Variants in ELOVL7 observed in about 807,000 individuals in gnomAD.
ELOVL7 encodes the protein very long chain fatty acid elongase 7.
In ELOVL7, 27 loss-of-function variants were observed where a neutral mutation model predicts 35.7. That is an observed-to-expected ratio of 0.76 (90% CI 0.56 to 1.04). ELOVL7 has a LOEUF of 1.04. Among genes scored for constraint, ELOVL7 ranks in the 50% least tolerant of loss-of-function variants. The pLI, the probability that ELOVL7 is intolerant of heterozygous loss-of-function variation, is 0.00. For missense variants in ELOVL7, 327 were observed against 340.8 expected (o/e 0.96, Z 0.32); for synonymous variants, 113 against 114.6 (o/e 0.99, Z 0.09).
intron 1 of ELOVL7, among the ~76,000 whole-genome samples, chr5:60,804,640 T>G (rs562260029): frequency 5.9e-5 from 9 of 152,352 alleles, no homozygotes; most frequent in South Asian, 2.1e-4. Flanking sequence ...GTTTGTAATT[T>G]AAGTGCTAGG....
At chr5:60,808,858 C>A (rs1745094727) in intron 1 of ELOVL7, among the ~76,000 whole-genome samples, 1 of 152,074 alleles carries the variant, frequency 6.6e-6, no homozygotes, top group African/African-American at 2.4e-5. Flanking sequence ...GTGAAATAAG[C>A]CAGACTCCAA....
chr5:60,814,566 C>A (rs546450750), intron 1 of ELOVL7, among the ~76,000 whole-genome samples: 2 of 152,268 alleles, frequency 1.3e-5, no homozygotes, highest in African/African-American at 4.8e-5. Flanking sequence ...ATGTACTGTG[C>A]TAGGTATTCC....
At chr5:60,811,986 CAGG>C (rs1299300187) in intron 1 of ELOVL7, among the ~76,000 whole-genome samples, 1 of 152,110 alleles carries the variant, frequency 6.6e-6, no homozygotes, top group Non-Finnish European at 1.5e-5. Flanking sequence ...GAGGCCAAGG[CAGG>C]AGGATTGCTT....
At chr5:60,791,024 C>A (rs1272079049) in intron 2 of ELOVL7, among the ~76,000 whole-genome samples, 1 of 152,176 alleles carries the variant, frequency 6.6e-6, no homozygotes, top group Non-Finnish European at 1.5e-5. Context: ...GTCACCCAGG[C>A]TGGAGTGCAC....
intron 3 of ELOVL7, among the ~76,000 whole-genome samples, chr5:60,776,964 G>A (rs931289816): frequency 1.3e-5 from 2 of 152,096 alleles, no homozygotes; most frequent in Non-Finnish European, 2.9e-5. Flanking sequence ...TTTATAATTG[G>A]TTAAACACAG....
In ELOVL7 at chr5:60,828,955, T is replaced by C. The variant is rs574197712; in HGVS notation, c.-86+15205A>G. Among the ~76,000 whole-genome samples the C allele has an allele frequency of 3.6e-3, 551 of 152,322 alleles. 4 individuals are homozygous for C. The highest frequency in any genetic ancestry group is 6.5e-3 in the Non-Finnish European group (439 of 68,000). On this transcript the variant is annotated intron_variant, in intron 1 of 8. Coordinates refer to ENST00000508821, the MANE Select transcript of ELOVL7 (RefSeq NM_024930.3). ...TTTAACTTCTTAGGCATGATAATGGTATGGCTGTAATTTTTTAAAGTCCTT... is the reference window on the plus strand; with the variant it reads ...TTTAACTTCTTAGGCATGATAATGGCATGGCTGTAATTTTTTAAAGTCCTT...
intron 1 of ELOVL7, among the ~76,000 whole-genome samples, chr5:60,830,698 A>T (rs1746434885): frequency 6.6e-6 from 1 of 151,516 alleles, no homozygotes; most frequent in South Asian, 2.1e-4. Flanking sequence ...TACCATCTTA[A>T]CCATTTTTAA....
At chr5:60,789,429 T>C (rs1743792653) in intron 2 of ELOVL7, among the ~76,000 whole-genome samples, 1 of 152,164 alleles carries the variant, frequency 6.6e-6, no homozygotes, top group Non-Finnish European at 1.5e-5. Context: ...ATTCAAACAT[T>C]TTTTTTATCA....
chr5:60,767,834 T>C lies in ELOVL7; in HGVS notation c.325A>G (p.Thr109Ala). The change falls in exon 5 of 9, where the codon ACA becomes GCA. Residue 109 changes from threonine to alanine, a missense_variant. Coordinates refer to ENST00000508821, the MANE Select transcript of ELOVL7 (RefSeq NM_024930.3). ...CDIVDYSRSP[T>A]ALRMARTCWL... Reference sequence around the variant, plus strand: ...AAAGAGAAACTTACCCTCAAAGCTGTGGGTGACCGTGAATAGTCAACAATG... The same window carrying C: ...AAAGAGAAACTTACCCTCAAAGCTGCGGGTGACCGTGAATAGTCAACAATG... 1 of 1,612,958 alleles carries C rather than the reference T, an allele frequency of 6.2e-7. No individual in the cohort carries two copies. Among genetic ancestry groups the C allele is most frequent in the Non-Finnish European group, 8.5e-7 (1 of 1,178,982 alleles).
At chr5:60,807,977 C>T (rs571343431) in intron 1 of ELOVL7, among the ~76,000 whole-genome samples, 1 of 101,262 alleles carries the variant, frequency 9.9e-6, no homozygotes, top group East Asian at 3.4e-4. Context: ...CCAGCCTGGG[C>T]GTGAGACTCC....
At chr5:60,776,558 T>C (rs1742916245) in intron 3 of ELOVL7, among the ~76,000 whole-genome samples, 1 of 152,160 alleles carries the variant, frequency 6.6e-6, no homozygotes, top group African/African-American at 2.4e-5. Flanking sequence ...AACAAAATCA[T>C]ATCCTTTGCA....
chr5:60,764,381 G>T, intron 6 of ELOVL7, 49 bp from the exon 7 acceptor site: 1 of 1,345,290 alleles, frequency 7.4e-7, no homozygotes, highest in Non-Finnish European at 1.1e-6. Context: ...ATTTGATAGT[G>T]TATTGAGTAT....
chr5:60,787,791 C>A (rs1366166655), intron 2 of ELOVL7, among the ~76,000 whole-genome samples: 1 of 152,150 alleles, frequency 6.6e-6, no homozygotes, highest in Non-Finnish European at 1.5e-5. Flanking sequence ...AAAGCAGAAA[C>A]CCTGGAGAAG....
chr5:60,759,603 ATTTTC>A (rs1456725102), intron 7 of ELOVL7, among the ~76,000 whole-genome samples: 1 of 113,190 alleles, frequency 8.8e-6, no homozygotes, highest in East Asian at 2.5e-4. Context: ...AGGCGTGCCT[ATTTTC>A]TTTTTTTTTT....
intron 3 of ELOVL7, among the ~76,000 whole-genome samples, chr5:60,780,426 T>G (rs1296590521): frequency 1.3e-5 from 2 of 152,038 alleles, no homozygotes; most frequent in East Asian, 3.9e-4. Flanking sequence ...GGCCAAACTT[T>G]CCCATATTTT....
At chr5:60,813,758 A>G (rs1745367399) in intron 1 of ELOVL7, among the ~76,000 whole-genome samples, 1 of 152,144 alleles carries the variant, frequency 6.6e-6, no homozygotes, top group African/African-American at 2.4e-5. Context: ...GAAGCAGGAG[A>G]TAAACTCGAC....
chr5:60,839,347 AAAAG>A (rs1055286901), intron 1 of ELOVL7, among the ~76,000 whole-genome samples: 5 of 152,318 alleles, frequency 3.3e-5, no homozygotes, highest in African/African-American at 1.2e-4. Flanking sequence ...CTCAGAAAAA[AAAAG>A]AAAGGAAAAG....
chr5:60,794,953 G>C (rs1579855539), intron 2 of ELOVL7, among the ~76,000 whole-genome samples: 1 of 152,220 alleles, frequency 6.6e-6, no homozygotes, highest in African/African-American at 2.4e-5. Flanking sequence ...TCATATGGGG[G>C]ATGGGGTGTT....
At chr5:60,788,699 C>T (rs1381948435) in intron 2 of ELOVL7, among the ~76,000 whole-genome samples, 1 of 151,918 alleles carries the variant, frequency 6.6e-6, no homozygotes, top group Admixed American at 6.6e-5. Flanking sequence ...TGCTCGAACC[C>T]AGGAGGCAGA....
Sources: allele counts gnomAD v4.1 joint callset (sites outside exome capture counted in the v4.1 genomes callset), GRCh38; gene constraint gnomAD v4.1.1; transcripts MANE v1.5; gene names NCBI Gene and HGNC (gene_info 2026-07-23, HGNC 2026-07-21).